CYFIP2: variants seen among roughly 807,000 people sequenced by gnomAD.
CYFIP2 encodes the protein cytoplasmic FMR1 interacting protein 2.
A neutral mutation model predicts 158.7 loss-of-function variants in CYFIP2; 29 were observed. That is an observed-to-expected ratio of 0.18 (90% CI 0.14 to 0.25). The LOEUF (loss-of-function observed/expected upper bound fraction) is 0.25. Among genes scored for constraint, CYFIP2 ranks in the 10% least tolerant of loss-of-function variants. CYFIP2 has a pLI of 1.00. For synonymous variants in CYFIP2, 585 were observed against 617.6 expected (o/e 0.95, Z 0.78); for missense variants, 852 against 1,639.5 (o/e 0.52, Z 8.29).
At chr5:157,336,883 G>A (rs1442203937) in intron 21 of CYFIP2, among the ~76,000 whole-genome samples, 2 of 152,238 alleles carry the variant, frequency 1.3e-5, no homozygotes, top group Non-Finnish European at 2.9e-5. Context: ...AATCCGAAAT[G>A]TGTTGCAGAA....
chr5:157,376,725 G>C, intron 26 of CYFIP2: 1 of 299,040 alleles, frequency 3.3e-6, no homozygotes, highest in Non-Finnish European at 6.9e-6. Context: ...GAAGGGTCTT[G>C]GTCACCCTGA....
chr5:157,336,357 CCAATGTTTAACATTTGGAAGAAAT>C (rs1477231781), intron 21 of CYFIP2, among the ~76,000 whole-genome samples: 2 of 152,206 alleles, frequency 1.3e-5, no homozygotes, highest in Admixed American at 1.3e-4. Context: ...TAATTTTGAG[CCAATGTTTAACATTTGGAAGAAAT>C]CAAATAAAAC....
At chr5:157,276,494 A>G (rs1372090862) in intron 1 of CYFIP2, among the ~76,000 whole-genome samples, 1 of 152,192 alleles carries the variant, frequency 6.6e-6, no homozygotes, top group African/African-American at 2.4e-5. Context: ...TTCATGATGC[A>G]TAATCTTTTT....
chr5:157,388,176 C>T (rs185294252), intron 28 of CYFIP2, among the ~76,000 whole-genome samples: 1 of 152,314 alleles, frequency 6.6e-6, no homozygotes, highest in Admixed American at 6.5e-5. Context: ...ACTTTAACCT[C>T]AGATTTTAAC....
At chr5:157,294,911 A>AC in intron 4 of CYFIP2, 51 bp downstream of exon 4, 1 of 1,463,956 alleles carries the variant, frequency 6.8e-7, no homozygotes, top group Non-Finnish European at 9.5e-7. Flanking sequence ...GGCATTACTA[A>AC]CCCCTACTTC....
chr5:157,385,679 A>G lies in CYFIP2; in HGVS notation c.3207+2320A>G, dbSNP rs535617063. On this transcript the variant is annotated intron_variant, in intron 28 of 30. Coordinates refer to ENST00000620254, the MANE Select transcript of CYFIP2 (RefSeq NM_001037333.3). ...TTTCTCAATCTTTATTTTACCATCT[A>G]TGTAATGGGATCATAGCTGCTTTAC... 8.5e-5 allele frequency among the ~76,000 whole-genome samples: 13 copies of G among 152,120 alleles called. No individual in the cohort carries two copies. In the South Asian group the frequency reaches 2.1e-3, roughly 24 times the overall value.
At chr5:157,347,459 C>T (rs1262173937) in intron 23 of CYFIP2, among the ~76,000 whole-genome samples, 1 of 152,146 alleles carries the variant, frequency 6.6e-6, no homozygotes, top group Non-Finnish European at 1.5e-5. Flanking sequence ...TCAGTCTTCC[C>T]AGGCGCCTGT....
rs1260104340 is a variant in CYFIP2 at position 157,320,774 on chromosome 5, G to A, written c.1643G>A (p.Arg548Gln). ...GGTGGATTTGATATCAAGGTGCCCC[G>A]GCGTGCTGTGGGGCCATCCAGCACA... is the stretch of plus-strand genomic sequence containing the variant. ...PKGGFDIKVPRRAVGPSSTQL... is the reference protein window; with the variant it reads ...PKGGFDIKVPQRAVGPSSTQL... The change falls in exon 15 of 31, where the codon CGG becomes CAG. Residue 548 changes from arginine (R) to glutamine (Q), a missense_variant. Physicochemically the swap from Arg to Gln is conservative, Grantham distance 43. This residue lies in a region of CYFIP2 where 167 missense variants were observed against 343.3 expected (regional missense o/e 0.49). Coordinates refer to ENST00000620254, the MANE Select transcript of CYFIP2 (RefSeq NM_001037333.3). 2.5e-6 allele frequency: 4 copies of A among 1,604,834 alleles called. No individual in the cohort carries two copies. Among genetic ancestry groups the A allele is most frequent in the African/African-American group, 1.3e-5 (1 of 74,844 alleles).
At chr5:157,354,946 G>A (rs757607463) in intron 23 of CYFIP2, among the ~76,000 whole-genome samples, 1 of 152,040 alleles carries the variant, frequency 6.6e-6, no homozygotes, top group Non-Finnish European at 1.5e-5. Context: ...TGAGGGTTTA[G>A]GACACCACTC....
At chr5:157,302,936 A>G (rs1422045607) in intron 7 of CYFIP2, 46 bp downstream of exon 7, 1 of 1,494,286 alleles carries the variant, frequency 6.7e-7, no homozygotes, top group Non-Finnish European at 9.1e-7. Flanking sequence ...TCTCGGGGTT[A>G]TAGGCAGGCG....
intron 23 of CYFIP2, among the ~76,000 whole-genome samples, chr5:157,347,392 C>T (rs942886101): frequency 5.3e-5 from 8 of 151,892 alleles, no homozygotes; most frequent in Non-Finnish European, 1.0e-4. Flanking sequence ...CTTGGGAACT[C>T]GGGAACAAGC....
intron 1 of CYFIP2, among the ~76,000 whole-genome samples, chr5:157,267,759 T>C (rs1171326749): frequency 6.6e-6 from 1 of 152,250 alleles, no homozygotes; most frequent in Non-Finnish European, 1.5e-5. Context: ...GGAAACACTG[T>C]AGAAATATTT....
intron 20 of CYFIP2, among the ~76,000 whole-genome samples, chr5:157,332,037 A>G (rs1355201779): frequency 6.6e-6 from 1 of 152,176 alleles, no homozygotes; most frequent in Non-Finnish European, 1.5e-5. Context: ...ATGAAGGCAC[A>G]ATGTGGGCCC....
At chr5:157,275,605 C>G (rs1212001924) in intron 1 of CYFIP2, among the ~76,000 whole-genome samples, 1 of 152,158 alleles carries the variant, frequency 6.6e-6, no homozygotes, top group African/African-American at 2.4e-5. Context: ...TTCCTCCCAC[C>G]CCCAAGATTG....
intron 23 of CYFIP2, among the ~76,000 whole-genome samples, chr5:157,347,117 T>G (rs2113286906): frequency 6.6e-6 from 1 of 152,290 alleles, no homozygotes; most frequent in African/African-American, 2.4e-5. Flanking sequence ...TTGGCCAAAG[T>G]ATCCAAGTTA....
rs1766230038 is a variant in CYFIP2, at chr5:157,382,536, C to T, written c.3040-54C>T. 2.5e-6 allele frequency: 4 copies of T among 1,593,216 alleles called. No homozygotes were observed. The East Asian group carries it at 8.9e-5, about 36-fold the overall frequency. ...GCTCAGGTTTTTAGGAATGAAAAAT[C>T]TTCCTGGTTTAAAATGAAAATTGTT... is the stretch of plus-strand genomic sequence containing the variant. On this transcript the variant is annotated intron_variant, in intron 26 of 30. Coordinates refer to ENST00000620254, the MANE Select transcript of CYFIP2 (RefSeq NM_001037333.3).
intron 13 of CYFIP2, 75 bp from the exon 14 acceptor site, chr5:157,319,687 G>C: frequency 1.3e-6 from 2 of 1,549,264 alleles, no homozygotes; most frequent in Non-Finnish European, 1.8e-6. Context: ...GCCTCCCCTG[G>C]CAGGGCGGTG....
intron 13 of CYFIP2, among the ~76,000 whole-genome samples, chr5:157,319,214 T>C (rs11955459): frequency 0.32 from 48,736 of 151,956 alleles, 8,629 homozygotes; most frequent in African/African-American, 0.48. Flanking sequence ...AGAAGGGAAA[T>C]AGGGGAGTAG....
intron 9 of CYFIP2, among the ~76,000 whole-genome samples, chr5:157,308,264 A>G (rs1242254083): frequency 2.6e-5 from 4 of 152,192 alleles, no homozygotes; most frequent in East Asian, 1.9e-4. Flanking sequence ...TCGCAGAAGT[A>G]GAATGATTAA....
Sources: allele counts gnomAD v4.1 joint callset (sites outside exome capture counted in the v4.1 genomes callset), GRCh38; gene constraint gnomAD v4.1.1; regional missense constraint gnomAD v4.1.1; transcripts MANE v1.5; gene names NCBI Gene and HGNC (gene_info 2026-07-23, HGNC 2026-07-21).